DPP3: variants seen among roughly 807,000 people sequenced by gnomAD.
DPP3 encodes the protein dipeptidyl peptidase 3.
DPP3 carries 64 observed loss-of-function variants against 89.8 expected under a neutral mutation model. The ratio of observed to expected loss-of-function variants is 0.71; its 90% CI spans 0.58 to 0.88. The LOEUF (loss-of-function observed/expected upper bound fraction) is 0.88. DPP3 is among the 40% of genes least tolerant of loss of function. DPP3 has a pLI of 0.00. For synonymous variants in DPP3, 377 were observed against 404.3 expected, an observed-to-expected ratio of 0.93 and a Z score of 0.81; for missense variants, 835 against 972.5, an observed-to-expected ratio of 0.86 and a Z score of 1.88.
intron 5 of DPP3, among the ~76,000 whole-genome samples, 155 bp downstream of exon 5, chr11:66,487,497 A>G (rs1003801341): frequency 6.6e-6 from 1 of 152,056 alleles, no homozygotes; most frequent in Non-Finnish European, 1.5e-5. Flanking sequence ...ATAGAGCCTA[A>G]TGACAGCCTC....
intron 16 of DPP3, among the ~76,000 whole-genome samples, chr11:66,501,047 G>T (rs558563748): frequency 6.6e-6 from 1 of 152,156 alleles, no homozygotes; most frequent in Admixed American, 6.5e-5. Context: ...AATTAGCCGG[G>T]TATGGTGGCA....
At chr11:66,490,392 G>T (rs1414176598) in intron 6 of DPP3, among the ~76,000 whole-genome samples, 1 of 152,154 alleles carries the variant, frequency 6.6e-6, no homozygotes, top group Non-Finnish European at 1.5e-5. Context: ...GCAAGGCTGG[G>T]CCGCATTCCT....
intron 6 of DPP3, among the ~76,000 whole-genome samples, chr11:66,490,419 G>T (rs2134728212): frequency 6.6e-6 from 1 of 152,310 alleles, no homozygotes; most frequent in African/African-American, 2.4e-5. Flanking sequence ...GTCTCAGGAA[G>T]AACCTGCTTC....
intron 1 of DPP3, 169 bp from the exon 2 acceptor site, chr11:66,482,024 G>A: frequency 1.0e-6 from 1 of 986,744 alleles, no homozygotes; most frequent in Non-Finnish European, 1.5e-6. Flanking sequence ...CCTTGGGTGA[G>A]TCATCTCACC....
chr11:66,487,447 T>TAGTACACAGGGA, intron 5 of DPP3, 105 bp downstream of exon 5: 2 of 1,221,744 alleles, frequency 1.6e-6, no homozygotes, highest in Non-Finnish European at 2.4e-6. Context: ...GACTACTCCC[T>TAGTACACAGGGA]GTGTACTAGG....
intron 6 of DPP3, among the ~76,000 whole-genome samples, chr11:66,490,026 C>T (rs776650559): frequency 4.6e-5 from 7 of 151,848 alleles, no homozygotes; most frequent in African/African-American, 9.7e-5. Context: ...GGCAAAGTCA[C>T]AGTTGAGCTG....
intron 16 of DPP3, among the ~76,000 whole-genome samples, chr11:66,499,333 A>T (rs1333382014): frequency 1.3e-5 from 2 of 151,060 alleles, no homozygotes; most frequent in East Asian, 3.9e-4. Flanking sequence ...ACTGCACTCT[A>T]GCCTCTGCAA....
intron 1 of DPP3, 153 bp downstream of exon 1, chr11:66,480,618 G>T: frequency 1.1e-6 from 1 of 887,050 alleles, no homozygotes; most frequent in South Asian, 2.4e-5. Context: ...AGTGCTCCGG[G>T]GAGCAAAGAG....
At position 66,482,610 on chromosome 11, in the gene DPP3, G is replaced by C. The variant is rs1316923158; in HGVS notation, c.270+140G>C. 8.6e-6 allele frequency: 11 copies of C among 1,278,314 alleles called. No homozygotes were observed. In the East Asian group the frequency reaches 1.0e-4, roughly 12 times the overall value. The allele number at this position is 1,278,314 out of a possible 1,614,324, so 79.2% of individuals were successfully genotyped here. On this transcript the variant is annotated intron_variant, in intron 2 of 17. Coordinates refer to ENST00000531863, the MANE Select transcript of DPP3 (RefSeq NM_130443.4). ...AATTCAGGCACTTCCCCTCTCTGGA[G>C]CCTCAGTCTTCTCACCCGTAAAATA...
chr11:66,497,516 C>T (rs746642649), intron 16 of DPP3, 39 bp downstream of exon 16: 1 of 1,593,246 alleles, frequency 6.3e-7, no homozygotes, highest in African/African-American at 1.3e-5. Context: ...TCCCCACCAA[C>T]CTCTCCAGGG....
chr11:66,492,931 C>A, intron 10 of DPP3, 21 bp downstream of exon 10: 1 of 1,598,806 alleles, frequency 6.3e-7, no homozygotes, highest in South Asian at 1.1e-5. Context: ...CAGGCCCAGC[C>A]CCCGAGCCCC....
chr11:66,507,782 A>C (rs918817082), intron 17 of DPP3, among the ~76,000 whole-genome samples: 6 of 149,836 alleles, frequency 4.0e-5, no homozygotes, highest in Non-Finnish European at 8.9e-5. Context: ...GAGTCAAATG[A>C]TTCTCCGGCC....
At chr11:66,486,743 GAGGGA>G in intron 4 of DPP3, 66 bp downstream of exon 4, 1 of 1,424,358 alleles carries the variant, frequency 7.0e-7, no homozygotes, top group Non-Finnish European at 9.2e-7. Flanking sequence ...ACCTGGTAAG[GAGGGA>G]AGGACACGGG....
At chr11:66,485,327 A>G in intron 3 of DPP3, 65 bp downstream of exon 3, 1 of 1,491,920 alleles carries the variant, frequency 6.7e-7, no homozygotes, top group Admixed American at 1.8e-5. Flanking sequence ...TGGAAAATGC[A>G]GTAGAAGGAG....
chr11:66,509,634 A>C lies in DPP3; in HGVS notation c.*383A>C. 1.9e-6 allele frequency: 1 copy of C among 533,756 alleles called. No individual in the cohort carries two copies. The highest frequency in any genetic ancestry group is 3.4e-6 in the Non-Finnish European group (1 of 290,136). 33.1% of individuals were successfully genotyped at this position (533,756 alleles called of 1,614,324 possible). A position where few individuals can be genotyped will look rare whatever the true frequency, so the allele number is the denominator to read the frequency against. On this transcript the variant is annotated 3_prime_UTR_variant, in exon 18 of 18. Coordinates refer to ENST00000531863, the MANE Select transcript of DPP3 (RefSeq NM_130443.4). ...CACATATTAATTTTATAACCAGACAAATAAATATTAGAGACAACCACCATC... is the reference window on the plus strand; with the variant it reads ...CACATATTAATTTTATAACCAGACACATAAATATTAGAGACAACCACCATC...
At chr11:66,486,390 TCTCAGGACCTACAAGTG>T in intron 3 of DPP3, 133 bp from the exon 4 acceptor site, 1 of 1,007,660 alleles carries the variant, frequency 9.9e-7, no homozygotes, top group Non-Finnish European at 1.3e-6. Context: ...GCTTGACATT[TCTCAGGACCTACAAGTG>T]CTGCTGGTCC....
At position 66,504,636 on chromosome 11, in the gene DPP3, G is replaced by A; in HGVS notation, c.1903G>A (p.Ala635Thr). 1 of 1,612,064 alleles carries A rather than the reference G, an allele frequency of 6.2e-7. No homozygotes were observed. Among genetic ancestry groups the A allele is most frequent in the Non-Finnish European group, 8.5e-7 (1 of 1,179,160 alleles). Residue 635 changes from alanine to threonine, a missense_variant, in exon 17 of 18, where the codon GCC becomes ACC. Transcript: ENST00000531863. ...LQVLKSTGDV[A>T]GGRALYEGYA... ...GGTGCTGAAGTCCACAGGGGATGTG[G>A]CCGGAGGGCGGGCCCTGTACGAGGG...
chr11:66,509,336 A>C lies in DPP3; in HGVS notation c.*85A>C. ...TCGTGTGTGTATTTAGGGGCTGGGGAGGGGGAGGGGCAGGAGCTTGGACCT... is the reference window on the plus strand; with the variant it reads ...TCGTGTGTGTATTTAGGGGCTGGGGCGGGGGAGGGGCAGGAGCTTGGACCT... On this transcript the variant is annotated 3_prime_UTR_variant, in exon 18 of 18. Transcript: ENST00000531863. The C allele has an allele frequency of 6.7e-7, 1 of 1,493,906 alleles. No individual in the cohort carries two copies. Among genetic ancestry groups the C allele is most frequent in the East Asian group, 2.5e-5 (1 of 39,396 alleles). The allele number at this position is 1,493,906 out of a possible 1,614,324, so 92.5% of individuals were successfully genotyped here. A position where few individuals can be genotyped will look rare whatever the true frequency, so the allele number is the denominator to read the frequency against.
Position 66,495,197 on chromosome 11 carries a change from G to C in DPP3, c.1390-9G>C, listed in dbSNP as rs200617935. On this transcript the variant is annotated splice_polypyrimidine_tract_variant and intron_variant, in intron 12 of 17. Transcript: ENST00000531863. Reference sequence around the variant, plus strand: ...GGCGCCTTTCCCTCACCCACCGTGTGTTCTGCAGGACGAAAAAGGAGCATT... The same window carrying C: ...GGCGCCTTTCCCTCACCCACCGTGTCTTCTGCAGGACGAAAAAGGAGCATT... The C allele has an allele frequency of 1.2e-6, 2 of 1,612,260 alleles. No homozygotes were observed. Among genetic ancestry groups the C allele is most frequent in the Non-Finnish European group, 8.5e-7 (1 of 1,180,008 alleles).
Sources: gnomAD v4.1 joint callset for allele counts (sites outside exome capture counted in the v4.1 genomes callset) on GRCh38, gnomAD v4.1.1 for gene constraint, MANE v1.5 for transcripts, NCBI Gene and HGNC (gene_info 2026-07-23, HGNC 2026-07-21) for gene names.